The following BICD1 variants were observed in gnomAD, a reference collection of about 807,000 sequenced individuals.
The protein encoded by BICD1 is protein bicaudal D homolog 1.
BICD1 carries 35 observed loss-of-function variants against 92.5 expected under a neutral mutation model. That is an observed-to-expected ratio of 0.38 (90% CI 0.29 to 0.50). BICD1 has a LOEUF of 0.50. Ranked by LOEUF, BICD1 falls within the 20% of genes least tolerant of loss-of-function variation. BICD1 has a pLI of 0.93. For missense variants in BICD1, 950 were observed against 1,189.8 expected (o/e 0.80, Z 2.97); for synonymous variants, 429 against 465.1 (o/e 0.92, Z 1.00).
At chr12:32,364,785 T>C (rs1053557063) in intron 8 of BICD1, among the ~76,000 whole-genome samples, 1 of 148,794 alleles carries the variant, frequency 6.7e-6, no homozygotes, top group Non-Finnish European at 1.5e-5. Flanking sequence ...AACCTGTCTC[T>C]ACAAAAATTT....
chr12:32,243,224 A>G (rs1313366439), intron 2 of BICD1, among the ~76,000 whole-genome samples: 2 of 148,984 alleles, frequency 1.3e-5, no homozygotes, highest in Non-Finnish European at 3.0e-5. Context: ...CAGCCTCCCA[A>G]GTAGCTAGGA....
rs2136237873 is a variant in BICD1, at chr12:32,317,334, G to A, written c.1006-10127G>A. Reference sequence around the variant, plus strand: ...TTACAGTCCTACCAACAGTGTAAAAGTGTTCCTATTTCTCCACATCCTCTC... The same window carrying A: ...TTACAGTCCTACCAACAGTGTAAAAATGTTCCTATTTCTCCACATCCTCTC... On this transcript the variant is annotated intron_variant, in intron 4 of 9. Transcript: ENST00000652176. 1.3e-5 allele frequency among the ~76,000 whole-genome samples: 2 copies of A among 152,336 alleles called. 1 individual carries two copies.
chr12:32,306,785 C>T lies in BICD1; in HGVS notation c.1005+663C>T, dbSNP rs976350692. 2.6e-5 allele frequency among the ~76,000 whole-genome samples: 4 copies of T among 151,540 alleles called. No homozygotes were observed. In the South Asian group the frequency reaches 6.3e-4, roughly 24 times the overall value. On this transcript the variant is annotated intron_variant, in intron 4 of 9. Transcript: ENST00000652176. ...ATCCCAGCACTTTGAGAGGCTGAAGCGGGCGGATCACCTGAAGTCAGGAGT... is the reference window on the plus strand; with the variant it reads ...ATCCCAGCACTTTGAGAGGCTGAAGTGGGCGGATCACCTGAAGTCAGGAGT...
At chr12:32,248,119 G>T (rs919037898) in intron 2 of BICD1, among the ~76,000 whole-genome samples, 1 of 152,010 alleles carries the variant, frequency 6.6e-6, no homozygotes, top group Admixed American at 6.6e-5. Context: ...AACCCAAGAA[G>T]ACCTCTGTCT....
intron 3 of BICD1, among the ~76,000 whole-genome samples, chr12:32,295,739 C>T (rs182126688): frequency 6.6e-6 from 1 of 151,620 alleles, no homozygotes; most frequent in Non-Finnish European, 1.5e-5. Flanking sequence ...CTGCAACCTC[C>T]ACCTCCTGGT....
At chr12:32,110,843 G>C (rs369016790) in intron 1 of BICD1, among the ~76,000 whole-genome samples, 5 of 126,856 alleles carry the variant, frequency 3.9e-5, no homozygotes, top group African/African-American at 1.5e-4. Context: ...GTTGTGGGGT[G>C]GGGGGAGGGG....
At chr12:32,237,066 A>G (rs113496602) in intron 2 of BICD1, among the ~76,000 whole-genome samples, 18,931 of 151,520 alleles carry the variant, frequency 0.12, 1,948 homozygotes, top group African/African-American at 0.28. Context: ...TAATAGAGAC[A>G]GGGTTTCACC....
chr12:32,371,239 C>G lies in BICD1; in HGVS notation c.2840+3494C>G, dbSNP rs145124206. On this transcript the variant is annotated intron_variant, in intron 9 of 9. Coordinates refer to ENST00000652176, the MANE Select transcript of BICD1 (RefSeq NM_001714.4). ...CACATGAATACAGCCTGGTCTAGAGCCCAATTCTACTACTGTTCCCCATCG... is the reference window on the plus strand; with the variant it reads ...CACATGAATACAGCCTGGTCTAGAGGCCAATTCTACTACTGTTCCCCATCG... 5.9e-5 allele frequency among the ~76,000 whole-genome samples: 9 copies of G among 152,216 alleles called. No homozygotes were observed. In the East Asian group the frequency reaches 1.7e-3, roughly 29 times the overall value.
chr12:32,173,277 C>T (rs1183200467), intron 1 of BICD1, among the ~76,000 whole-genome samples: 4 of 152,014 alleles, frequency 2.6e-5, no homozygotes, highest in Non-Finnish European at 4.4e-5. Flanking sequence ...CTCAAACTCC[C>T]GAGCTCAGGC....
intron 1 of BICD1, among the ~76,000 whole-genome samples, chr12:32,177,198 C>T (rs1151027): frequency 0.15 from 22,138 of 151,108 alleles, 1,899 homozygotes; most frequent in East Asian, 0.22. Context: ...ACCTGTAATC[C>T]GAGCTACTTG....
chr12:32,306,145 C>T (rs1316689817), intron 4 of BICD1, 23 bp downstream of exon 4: 3 of 1,535,016 alleles, frequency 2.0e-6, no homozygotes, highest in Non-Finnish European at 2.6e-6. Flanking sequence ...TTTAGGGCCG[C>T]TAGAGTGAAT....
Position 32,216,627 on chromosome 12 carries a change from C to T in BICD1, c.426+168C>T, listed in dbSNP as rs147943570. ...TCTTTTTTAGTGAAATGATAGCTAG[C>T]TTGTTCTGAGATGAGCTTTTCTCTC... On this transcript the variant is annotated intron_variant, in intron 2 of 9. Coordinates refer to ENST00000652176, the MANE Select transcript of BICD1 (RefSeq NM_001714.4). Among the ~76,000 whole-genome samples, 31 of 152,296 alleles carry T rather than the reference C, an allele frequency of 2.0e-4. No individual in the cohort carries two copies. In the East Asian group the frequency reaches 4.8e-3, roughly 24 times the overall value.
At chr12:32,241,831 T>A (rs1946244369) in intron 2 of BICD1, among the ~76,000 whole-genome samples, 1 of 151,426 alleles carries the variant, frequency 6.6e-6, no homozygotes, top group African/African-American at 2.4e-5. Context: ...GGCACCTGAA[T>A]TTTTTTTTAA....
At chr12:32,248,741 A>G (rs765809491) in intron 2 of BICD1, among the ~76,000 whole-genome samples, 41 of 152,162 alleles carry the variant, frequency 2.7e-4, no homozygotes, top group Non-Finnish European at 5.4e-4. Flanking sequence ...GGAATTAGGC[A>G]CGTGGACACC....
intron 1 of BICD1, chr12:32,109,310 A>G (rs186332353): frequency 5.9e-5 from 9 of 152,346 alleles, no homozygotes; most frequent in African/African-American, 2.2e-4. Flanking sequence ...TACTAGAAGA[A>G]GGCACACTTT....
At position 32,328,162 on chromosome 12, in the gene BICD1, A is replaced by T; in HGVS notation, c.1707A>T (p.Ser569=). 6.2e-7 allele frequency: 1 copy of T among 1,614,192 alleles called. No individual in the cohort carries two copies. Among genetic ancestry groups the T allele is most frequent in the East Asian group, 2.2e-5 (1 of 44,874 alleles). ...CACGATTAGCCAGGCGGGGTGTGTC[A>T]TCCCCGGTAGAAACAAGGACCTCAT... is the stretch of plus-strand genomic sequence containing the variant. The part of the protein sequence containing the change: ...LSPRLARRGV[S]SPVETRTSSE... Residue 569 remains serine, a synonymous_variant, in exon 5 of 10, where the codon TCA becomes TCT. Coordinates refer to ENST00000652176, the MANE Select transcript of BICD1 (RefSeq NM_001714.4). The surrounding 1 kb of genome is among the most constrained non-coding windows in gnomAD (Gnocchi z 4.4).
intron 3 of BICD1, among the ~76,000 whole-genome samples, chr12:32,304,073 C>CA (rs201713099): frequency 0.016 from 2,254 of 140,028 alleles, 41 homozygotes; most frequent in African/African-American, 0.046. Flanking sequence ...GACTCCGTCT[C>CA]AAAAAAAAAA....
intron 1 of BICD1, among the ~76,000 whole-genome samples, chr12:32,177,441 CTTT>C (rs148215433): frequency 7.3e-6 from 1 of 136,574 alleles, no homozygotes. Context: ...GTTTCTGGGA[CTTT>C]TTTTTTTTTT....
intron 1 of BICD1, among the ~76,000 whole-genome samples, chr12:32,110,343 A>C (rs1243074387): frequency 6.6e-6 from 1 of 152,200 alleles, no homozygotes; most frequent in Non-Finnish European, 1.5e-5. Context: ...GATGTTGTTT[A>C]GTGCTCTGCA....
Sources: allele counts gnomAD v4.1 joint callset (sites outside exome capture counted in the v4.1 genomes callset), GRCh38; gene constraint gnomAD v4.1.1; non-coding constraint Gnocchi (gnomAD v3.1); transcripts MANE v1.5; gene names NCBI Gene and HGNC (gene_info 2026-07-23, HGNC 2026-07-21).